MYOM1: variants seen among roughly 807,000 people sequenced by gnomAD.
MYOM1 encodes myomesin 1.
Under a neutral mutation model 205.3 loss-of-function variants are expected in MYOM1, and 164 were observed. The observed-to-expected ratio is 0.80, with a 90% CI of 0.70 to 0.91. The LOEUF is 0.91. Ranked by LOEUF, MYOM1 falls within the 40% of genes least tolerant of loss-of-function variation. MYOM1 has a pLI of 0.00. For synonymous variants in MYOM1, 772 were observed against 789.4 expected (o/e 0.98, Z 0.37); for missense variants, 2,011 against 2,127.3 (o/e 0.95, Z 1.08).
chr18:3,245,395 A>C, the MYOM1 span, among the ~76,000 whole-genome samples: 1 of 152,162 alleles, frequency 6.6e-6, no homozygotes, highest in African/African-American at 2.4e-5. Flanking sequence ...AGCAGAATTC[A>C]AGTCTCCAAA....
chr18:3,149,256 G>T, intron 12 of MYOM1, 55 bp from the exon 13 acceptor site: 1 of 1,460,682 alleles, frequency 6.8e-7, no homozygotes, highest in Non-Finnish European at 9.5e-7. Flanking sequence ...CAATTTATCA[G>T]CTGCACTGAT....
chr18:3,186,573 GA>G (rs2080813216), intron 5 of MYOM1, among the ~76,000 whole-genome samples: 1 of 152,164 alleles, frequency 6.6e-6, no homozygotes, highest in African/African-American at 2.4e-5. Context: ...GATATATTAT[GA>G]AGGAGGAAAA....
Position 3,142,048 on chromosome 18 carries a change from C to A in MYOM1, c.1916G>T (p.Gly639Val), listed in dbSNP as rs1386718417. 6.2e-7 allele frequency: 1 copy of A among 1,613,654 alleles called. No homozygotes were observed. The highest frequency in any genetic ancestry group is 1.3e-5 in the African/African-American group (1 of 74,986). ...EEEPSEGIVP[G>V]PPTDLSVTEA... ...AGTGACAGAGAGGTCTGTCGGGGGG[C>A]CAGGCACAATACCCTCTGAAAAACA... Residue 639 changes from glycine (G) to valine (V), a missense_variant, in exon 14 of 38, where the codon GGC becomes GTC. Coordinates refer to ENST00000356443, the MANE Select transcript of MYOM1 (RefSeq NM_003803.4).
At chr18:3,237,467 C>T in the MYOM1 span, among the ~76,000 whole-genome samples, 51 of 151,636 alleles carry the variant, frequency 3.4e-4, no homozygotes, top group African/African-American at 9.2e-4. Flanking sequence ...GGCGTGGTGG[C>T]GGGCACCTGG....
the MYOM1 span, among the ~76,000 whole-genome samples, chr18:3,242,826 A>T: frequency 6.6e-6 from 1 of 152,212 alleles, no homozygotes; most frequent in East Asian, 1.9e-4. Context: ...TGTCTTTATC[A>T]GCAGAATGAA....
intron 36 of MYOM1, among the ~76,000 whole-genome samples, chr18:3,072,707 G>A (rs2078975601): frequency 6.6e-6 from 1 of 151,894 alleles, no homozygotes; most frequent in East Asian, 1.9e-4. Flanking sequence ...TGTGGGGGGC[G>A]GTGGGGGAGT....
chr18:3,088,902 C>G (rs1049307837), intron 29 of MYOM1, among the ~76,000 whole-genome samples: 8 of 152,136 alleles, frequency 5.3e-5, no homozygotes, highest in Non-Finnish European at 1.0e-4. Flanking sequence ...ACGTGAGAGT[C>G]TTTGGAGATT....
At chr18:3,186,001 GC>G (rs1379144266) in intron 5 of MYOM1, among the ~76,000 whole-genome samples, 1 of 152,166 alleles carries the variant, frequency 6.6e-6, no homozygotes, top group Non-Finnish European at 1.5e-5. Context: ...TTCGAGACCA[GC>G]CTGGCCAACA....
At chr18:3,083,383 G>T (rs371633920) in intron 33 of MYOM1, among the ~76,000 whole-genome samples, 70 of 149,842 alleles carry the variant, frequency 4.7e-4, no homozygotes, top group African/African-American at 1.2e-3. Flanking sequence ...AGTGGGGAAA[G>T]AATTTCTTTT....
chr18:3,114,452 A>G (rs1298467000), intron 21 of MYOM1, among the ~76,000 whole-genome samples: 1 of 148,406 alleles, frequency 6.7e-6, no homozygotes, highest in African/African-American at 2.5e-5. Flanking sequence ...ATCACAGCTC[A>G]CTGCAGCTTC....
upstream of MYOM1, among the ~76,000 whole-genome samples, chr18:3,221,318 T>C (rs2081327635): frequency 6.6e-6 from 1 of 152,178 alleles, no homozygotes; most frequent in Non-Finnish European, 1.5e-5. Flanking sequence ...CTGCACCCAG[T>C]CTCTATCAAG....
the MYOM1 span, among the ~76,000 whole-genome samples, chr18:3,233,064 A>G: frequency 6.6e-6 from 1 of 152,222 alleles, no homozygotes; most frequent in Non-Finnish European, 1.5e-5. Context: ...ACTAGTATAG[A>G]TATATTAAAG....
At position 3,135,685 on chromosome 18, in the gene MYOM1, G is replaced by A; in HGVS notation, c.2071C>T (p.Pro691Ser). 6.2e-7 allele frequency: 1 copy of A among 1,613,900 alleles called. No homozygotes were observed. Among genetic ancestry groups the A allele is most frequent in the Non-Finnish European group, 8.5e-7 (1 of 1,179,864 alleles). The change falls in exon 15 of 38, where the codon CCT becomes TCT. Residue 691 changes from proline to serine, a missense_variant. Coordinates refer to ENST00000356443, the MANE Select transcript of MYOM1 (RefSeq NM_003803.4). This position sits in a 1 kb window ranked among gnomAD's most constrained non-coding sequence, Gnocchi z 4.1. ...ENWQRVNTEL[P>S]VKSPRFALFD... ...AGAGCAAAGCGGGGAGACTTCACAGGGAGCTCCGTGTTCACTCGCTGCCAG... is the reference window on the plus strand; with the variant it reads ...AGAGCAAAGCGGGGAGACTTCACAGAGAGCTCCGTGTTCACTCGCTGCCAG...
intron 31 of MYOM1, among the ~76,000 whole-genome samples, 157 bp from the exon 32 acceptor site, chr18:3,084,184 A>C (rs1265818621): frequency 1.3e-5 from 2 of 152,172 alleles, no homozygotes; most frequent in African/African-American, 4.8e-5. Context: ...TTCTTTGAGG[A>C]AATAGTTCAA....
chr18:3,233,734 A>G, the MYOM1 span, among the ~76,000 whole-genome samples: 1 of 152,260 alleles, frequency 6.6e-6, no homozygotes, highest in East Asian at 1.9e-4. Flanking sequence ...AGAGGAAAGA[A>G]GAACTCAATC....
chr18:3,204,330 T>TA, intron 2 of MYOM1, among the ~76,000 whole-genome samples: 1 of 152,050 alleles, frequency 6.6e-6, no homozygotes, highest in African/African-American at 2.4e-5. Flanking sequence ...TAGAAAATCC[T>TA]AAAAAATACA....
At chr18:3,174,459 A>C (rs2080605967) in intron 6 of MYOM1, among the ~76,000 whole-genome samples, 1 of 150,394 alleles carries the variant, frequency 6.6e-6, no homozygotes, top group Non-Finnish European at 1.5e-5. Context: ...GTTCACTGTG[A>C]CCCTAGCCTG....
chr18:3,113,319 T>C (rs879586839), intron 21 of MYOM1, among the ~76,000 whole-genome samples: 28 of 3,854 alleles, frequency 7.3e-3, no homozygotes, highest in Non-Finnish European at 0.029. Context: ...TATATATATA[T>C]ATATATATAT....
chr18:3,192,882 AG>A (rs1261978624), intron 3 of MYOM1, among the ~76,000 whole-genome samples: 1 of 135,208 alleles, frequency 7.4e-6, no homozygotes, highest in Non-Finnish European at 1.7e-5. Context: ...AATTATGATG[AG>A]ATTTTTTCCC....
Sources: gnomAD v4.1 joint callset for allele counts (sites outside exome capture counted in the v4.1 genomes callset) on GRCh38, gnomAD v4.1.1 for gene constraint, Gnocchi (gnomAD v3.1) non-coding constraint, MANE v1.5 for transcripts, NCBI Gene and HGNC (gene_info 2026-07-23, HGNC 2026-07-21) for gene names.